Variants in FAM151B observed in about 807,000 individuals in gnomAD.
The protein encoded by FAM151B is protein FAM151B.
A neutral mutation model predicts 31.2 loss-of-function variants in FAM151B; 24 were observed. The ratio of observed to expected loss-of-function variants is 0.77; its 90% CI spans 0.56 to 1.08. The LOEUF (loss-of-function observed/expected upper bound fraction) is 1.08, where lower values mean the gene tolerates loss of function less well. Ranked by LOEUF, FAM151B falls within the 50% of genes least tolerant of loss-of-function variation. FAM151B has a pLI of 0.00. For missense variants in FAM151B, 293 were observed against 328.6 expected, an observed-to-expected ratio of 0.89 and a Z score of 0.84; for synonymous variants, 105 against 111.4, an observed-to-expected ratio of 0.94 and a Z score of 0.36.
intron 2 of FAM151B, among the ~76,000 whole-genome samples, chr5:80,509,887 GC>G (rs1744116245): frequency 6.6e-6 from 1 of 152,094 alleles, no homozygotes; most frequent in South Asian, 2.1e-4. Flanking sequence ...TGACAGTGTT[GC>G]CAGAAGTTTT....
intron 1 of FAM151B, 80 bp from the exon 2 acceptor site, chr5:80,501,712 A>G: frequency 1.0e-6 from 1 of 979,850 alleles, no homozygotes; most frequent in Non-Finnish European, 1.5e-6. Flanking sequence ...TGTATCTTAA[A>G]TATACACAAT....
chr5:80,501,759 A>C (rs1580416944), intron 1 of FAM151B, 33 bp from the exon 2 acceptor site: 1 of 1,536,918 alleles, frequency 6.5e-7, no homozygotes, highest in African/African-American at 1.4e-5. Flanking sequence ...ATAAAAAACA[A>C]TATCACTTTT....
intron 5 of FAM151B, among the ~76,000 whole-genome samples, chr5:80,533,767 AAG>A (rs1491357013): frequency 4.0e-5 from 6 of 151,332 alleles, no homozygotes; most frequent in Non-Finnish European, 8.8e-5. Context: ...AAAAAAAAAA[AAG>A]AGCAGAAATA....
Position 80,488,172 on chromosome 5 carries a change from T to C in FAM151B, c.25+24T>C, listed in dbSNP as rs1244698026. The C allele has an allele frequency of 3.3e-6, 5 of 1,536,810 alleles. No homozygotes were observed. In the Admixed American group the frequency reaches 5.9e-5, roughly 18 times the overall value. On this transcript the variant is annotated intron_variant, in intron 1 of 5. Coordinates refer to ENST00000282226, the MANE Select transcript of FAM151B (RefSeq NM_205548.3). ...AGGTAAGCGCCGAGCGCGCGGCCTC[T>C]GCCTGGAGGTGGGGCGCTTTGAGAG...
chr5:80,512,940 C>T (rs976595487), intron 2 of FAM151B, among the ~76,000 whole-genome samples: 4 of 151,888 alleles, frequency 2.6e-5, no homozygotes, highest in Non-Finnish European at 5.9e-5. Context: ...TTTCAAAATT[C>T]GAGATTATGG....
chr5:80,529,919 G>A (rs992896940), intron 5 of FAM151B, among the ~76,000 whole-genome samples: 1 of 152,066 alleles, frequency 6.6e-6, no homozygotes, highest in African/African-American at 2.4e-5. Context: ...CCAAAGCCTG[G>A]CAAAGACACA....
At chr5:80,502,655 G>C (rs559882814) in intron 2 of FAM151B, among the ~76,000 whole-genome samples, 1 of 152,262 alleles carries the variant, frequency 6.6e-6, no homozygotes, top group Admixed American at 6.5e-5. Context: ...AAAGGAGAAA[G>C]AAAGCATATC....
intron 5 of FAM151B, among the ~76,000 whole-genome samples, chr5:80,538,452 T>TCTCTCTCTC (rs1745665773): frequency 2.0e-5 from 1 of 49,502 alleles, no homozygotes; most frequent in African/African-American, 7.2e-5. Context: ...TTCTTTCTCT[T>TCTCTCTCTC]TCTTTCTTTC....
intron 1 of FAM151B, chr5:80,500,204 T>G: frequency 2.0e-6 from 1 of 506,386 alleles, no homozygotes; most frequent in Non-Finnish European, 3.5e-6. Flanking sequence ...AAAAATCAAA[T>G]ATAACAGAAA....
At chr5:80,500,972 C>T (rs139282692) in intron 1 of FAM151B, 79 of 672,800 alleles carry the variant, frequency 1.2e-4, no homozygotes, top group African/African-American at 1.2e-3. Flanking sequence ...AAATTATCTT[C>T]GCCATGAGGC....
intron 1 of FAM151B, among the ~76,000 whole-genome samples, chr5:80,488,596 C>A (rs1271196846): frequency 6.6e-6 from 1 of 152,202 alleles, no homozygotes; most frequent in Non-Finnish European, 1.5e-5. Flanking sequence ...GCAGAGTGTG[C>A]GGCTCGCTTG....
intron 3 of FAM151B, among the ~76,000 whole-genome samples, chr5:80,515,266 A>AT (rs1230605970): frequency 3.3e-5 from 4 of 120,914 alleles, no homozygotes; most frequent in Admixed American, 7.7e-5. Flanking sequence ...TAAATAAATA[A>AT]TAAAAAATCA....
At chr5:80,505,404 T>TC (rs1743914404) in intron 2 of FAM151B, among the ~76,000 whole-genome samples, 1 of 145,782 alleles carries the variant, frequency 6.9e-6, no homozygotes, top group African/African-American at 2.7e-5. Flanking sequence ...CTTTTTTTTT[T>TC]TCTTTTTTGA....
chr5:80,489,414 G>T (rs1743231306), intron 1 of FAM151B, among the ~76,000 whole-genome samples: 5 of 151,916 alleles, frequency 3.3e-5, no homozygotes, highest in Admixed American at 3.3e-4. Flanking sequence ...TTTAACCCTT[G>T]TGCTCTTCTC....
chr5:80,540,780 T>A (rs1354876481), intron 5 of FAM151B, among the ~76,000 whole-genome samples: 1 of 152,266 alleles, frequency 6.6e-6, no homozygotes, highest in Non-Finnish European at 1.5e-5. Context: ...AATATGATAC[T>A]GCTGTGGGGC....
chr5:80,532,353 G>T (rs1055651576), intron 5 of FAM151B, among the ~76,000 whole-genome samples: 1 of 151,928 alleles, frequency 6.6e-6, no homozygotes, highest in African/African-American at 2.4e-5. Context: ...ATGCACCCTA[G>T]AACTTAAAAG....
At chr5:80,500,320 T>C in intron 1 of FAM151B, 1 of 820,362 alleles carries the variant, frequency 1.2e-6, no homozygotes. Context: ...TGCCTCTTTT[T>C]CCGGCTGGAA....
At chr5:80,540,662 T>C (rs1272721396) in intron 5 of FAM151B, among the ~76,000 whole-genome samples, 1 of 152,242 alleles carries the variant, frequency 6.6e-6, no homozygotes, top group Non-Finnish European at 1.5e-5. Context: ...GGTGCCCAGA[T>C]AAAGTAATAG....
intron 1 of FAM151B, among the ~76,000 whole-genome samples, chr5:80,494,603 C>G (rs1480259305): frequency 6.6e-6 from 1 of 151,738 alleles, no homozygotes; most frequent in African/African-American, 2.4e-5. Flanking sequence ...GCCTGGACCT[C>G]CTGGGTTCAA....
Sources: allele counts gnomAD v4.1 joint callset (sites outside exome capture counted in the v4.1 genomes callset), GRCh38; gene constraint gnomAD v4.1.1; transcripts MANE v1.5; gene names NCBI Gene and HGNC (gene_info 2026-07-23, HGNC 2026-07-21).